SAMD3: variants seen among roughly 807,000 people sequenced by gnomAD.
SAMD3 encodes the protein sterile alpha motif domain containing 3, also known as sterile alpha motif domain-containing protein 3.
Under a neutral mutation model 58.5 loss-of-function variants are expected in SAMD3, and 63 were observed. The ratio of observed to expected loss-of-function variants is 1.08; its 90% CI spans 0.88 to 1.33. The LOEUF is 1.33. Among genes scored for constraint, SAMD3 ranks in the 40% most tolerant of loss-of-function variants. The pLI is 0.00. For synonymous variants in SAMD3, 220 were observed against 210.3 expected, an observed-to-expected ratio of 1.05 and a Z score of -0.40; for missense variants, 604 against 608.4, an observed-to-expected ratio of 0.99 and a Z score of 0.08.
chr6:130,240,806 C>T (rs774712705), intron 2 of SAMD3, among the ~76,000 whole-genome samples: 3 of 152,170 alleles, frequency 2.0e-5, no homozygotes, highest in Non-Finnish European at 4.4e-5. Context: ...ATGCCCACAC[C>T]GGATGCCAGT....
At chr6:130,176,082 C>G (rs1218994205) in intron 7 of SAMD3, 74 bp from the exon 8 acceptor site, 1 of 1,122,886 alleles carries the variant, frequency 8.9e-7, no homozygotes, top group East Asian at 2.4e-5. Flanking sequence ...GTCTATACAA[C>G]AACAATACAT....
At chr6:130,298,692 T>C (rs1307541402) in intron 2 of SAMD3, among the ~76,000 whole-genome samples, 4 of 152,142 alleles carry the variant, frequency 2.6e-5, no homozygotes, top group Admixed American at 6.5e-5. Context: ...GAGTGGCACA[T>C]TGGGCAGAAA....
chr6:130,214,089 T>C (rs1795813239), intron 4 of SAMD3, among the ~76,000 whole-genome samples: 1 of 152,194 alleles, frequency 6.6e-6, no homozygotes, highest in Non-Finnish European at 1.5e-5. Context: ...CAGCATTTTA[T>C]ATAGAAACTC....
At chr6:130,330,763 C>T (rs1242699771) in intron 1 of SAMD3, among the ~76,000 whole-genome samples, 7 of 152,114 alleles carry the variant, frequency 4.6e-5, no homozygotes, top group South Asian at 4.1e-4. Context: ...GAGTGAGCAT[C>T]GGCTGTTTGG....
upstream of SAMD3, chr6:130,365,743 G>T (rs1455308610): frequency 1.0e-6 from 1 of 985,574 alleles, no homozygotes; most frequent in African/African-American, 1.7e-5. Flanking sequence ...CCCAAAGATG[G>T]GTTTTGTCTG....
At chr6:130,269,507 GT>G (rs1774482680) in intron 2 of SAMD3, among the ~76,000 whole-genome samples, 1 of 149,060 alleles carries the variant, frequency 6.7e-6, no homozygotes, top group African/African-American at 2.6e-5. Context: ...ACATAAAGTT[GT>G]TTGTAGTATT....
intron 5 of SAMD3, among the ~76,000 whole-genome samples, chr6:130,195,258 C>T (rs1410880782): frequency 6.6e-6 from 1 of 152,078 alleles, no homozygotes; most frequent in Non-Finnish European, 1.5e-5. Context: ...CTAATCCCTC[C>T]TTGGTGACCG....
At chr6:130,298,409 C>T (rs754301374) in intron 2 of SAMD3, among the ~76,000 whole-genome samples, 17 of 152,104 alleles carry the variant, frequency 1.1e-4, no homozygotes, top group Non-Finnish European at 2.2e-4. Context: ...AAAAGAATGA[C>T]GCTTGCTACC....
At chr6:130,172,851 G>C (rs1322923891) in intron 8 of SAMD3, among the ~76,000 whole-genome samples, 1 of 152,118 alleles carries the variant, frequency 6.6e-6, no homozygotes, top group Non-Finnish European at 1.5e-5. Flanking sequence ...CCTATCAATT[G>C]TATGTTTGTT....
intron 2 of SAMD3, among the ~76,000 whole-genome samples, chr6:130,231,021 T>C (rs1459950242): frequency 3.9e-5 from 6 of 151,978 alleles, no homozygotes; most frequent in Non-Finnish European, 8.8e-5. Flanking sequence ...AATAAGAAAA[T>C]AAAGATTTCA....
intron 1 of SAMD3, among the ~76,000 whole-genome samples, chr6:130,353,742 C>A (rs1206511149): frequency 1.3e-5 from 2 of 152,092 alleles, no homozygotes; most frequent in Non-Finnish European, 2.9e-5. Context: ...AAGGAAAGAT[C>A]AAACTAACTC....
intron 2 of SAMD3, among the ~76,000 whole-genome samples, chr6:130,308,349 A>AATTCT (rs68138988): frequency 0.014 from 974 of 69,518 alleles, 86 homozygotes; most frequent in Middle Eastern, 0.032. Flanking sequence ...AAGTTCATAG[A>AATTCT]ATTCTATTCT....
chr6:130,245,968 A>C (rs1278253567), intron 2 of SAMD3, among the ~76,000 whole-genome samples: 1 of 152,192 alleles, frequency 6.6e-6, no homozygotes, highest in Non-Finnish European at 1.5e-5. Context: ...TCTGTCACTT[A>C]CTGAGATTTT....
At chr6:130,222,022 G>A (rs1796246678) in intron 1 of SAMD3, among the ~76,000 whole-genome samples, 1 of 152,130 alleles carries the variant, frequency 6.6e-6, no homozygotes. Flanking sequence ...CTGCTAAGGG[G>A]AGTATAAAGT....
intron 1 of SAMD3, among the ~76,000 whole-genome samples, chr6:130,353,087 C>G (rs1777728721): frequency 1.3e-5 from 2 of 152,180 alleles, no homozygotes; most frequent in African/African-American, 4.8e-5. Context: ...ATACTCACTA[C>G]CAGTTAGAAA....
intron 2 of SAMD3, among the ~76,000 whole-genome samples, chr6:130,254,200 T>G (rs1214652333): frequency 1.3e-5 from 2 of 151,712 alleles, no homozygotes; most frequent in African/African-American, 2.4e-5. Context: ...ATTTTATTAT[T>G]ATTATTTTCT....
intron 2 of SAMD3, among the ~76,000 whole-genome samples, chr6:130,306,506 C>A (rs1461932737): frequency 6.6e-6 from 1 of 152,210 alleles, no homozygotes; most frequent in Non-Finnish European, 1.5e-5. Context: ...TCTACTCTCA[C>A]AGGTGGCTGC....
rs1414721476 is a variant in SAMD3 at position 130,344,645 on chromosome 6, G to C, written c.-304+20475C>G. ...GACCTACCCATCTCAGCCTCTCAAAGTGCTGAGTGCTGAGATTACTGGCGT... is the reference window on the plus strand; with the variant it reads ...GACCTACCCATCTCAGCCTCTCAAACTGCTGAGTGCTGAGATTACTGGCGT... On this transcript the variant is annotated intron_variant, in intron 1 of 13. Transcript: ENST00000368134. 3.9e-5 allele frequency among the ~76,000 whole-genome samples: 6 copies of C among 152,064 alleles called. No homozygotes were observed. The East Asian group carries it at 1.2e-3, about 30-fold the overall frequency.
At chr6:130,173,214 G>A (rs898306810) in intron 8 of SAMD3, among the ~76,000 whole-genome samples, 1 of 152,114 alleles carries the variant, frequency 6.6e-6, no homozygotes, top group Admixed American at 6.6e-5. Context: ...TTTCTGTTCA[G>A]TTTTGTGCCC....
Sources: allele counts gnomAD v4.1 joint callset (sites outside exome capture counted in the v4.1 genomes callset), GRCh38; gene constraint gnomAD v4.1.1; transcripts MANE v1.5; gene names NCBI Gene and HGNC (gene_info 2026-07-23, HGNC 2026-07-21).